The following SLC44A1 variants were observed in gnomAD, a reference collection of about 807,000 sequenced individuals.
SLC44A1 encodes solute carrier family 44 member 1.
In SLC44A1, 26 loss-of-function variants were observed where a neutral mutation model predicts 79.3. The observed-to-expected ratio is 0.33, with a 90% CI of 0.24 to 0.46. The LOEUF (loss-of-function observed/expected upper bound fraction) is 0.46, where lower values mean the gene tolerates loss of function less well. Among genes scored for constraint, SLC44A1 ranks in the 20% least tolerant of loss-of-function variants. SLC44A1 has a pLI of 1.00. For synonymous variants in SLC44A1, 263 were observed against 286.2 expected (o/e 0.92, Z 0.82); for missense variants, 688 against 798.1 (o/e 0.86, Z 1.66).
At chr9:105,323,485 A>G (rs1826465032) in intron 3 of SLC44A1, among the ~76,000 whole-genome samples, 1 of 152,170 alleles carries the variant, frequency 6.6e-6, no homozygotes, top group Admixed American at 6.5e-5. Flanking sequence ...AAATAATAGC[A>G]GTACTTCCTT....
In SLC44A1 at chr9:105,380,591, T is replaced by C. The variant is rs1210466934; in HGVS notation, c.1633-2532T>C. ...CAAATATTTATCAAATAAATGTAAATATTTATATATATATAGCTGTTACTA... is the reference window on the plus strand; with the variant it reads ...CAAATATTTATCAAATAAATGTAAACATTTATATATATATAGCTGTTACTA... On this transcript the variant is annotated intron_variant, in intron 13 of 15. Transcript: ENST00000374720. Among the ~76,000 whole-genome samples, 4 of 151,968 alleles carry C rather than the reference T, an allele frequency of 2.6e-5. No homozygotes were observed. In the East Asian group the frequency reaches 7.7e-4, roughly 29 times the overall value.
At chr9:105,410,432 C>T (rs1188567635) in intron 15 of SLC44A1, among the ~76,000 whole-genome samples, 2 of 152,106 alleles carry the variant, frequency 1.3e-5, no homozygotes, top group Admixed American at 6.6e-5. Context: ...AGAGCTATTT[C>T]TTCAAAGAAG....
At chr9:105,358,106 A>AT (rs1178770250) in intron 6 of SLC44A1, among the ~76,000 whole-genome samples, 1 of 152,020 alleles carries the variant, frequency 6.6e-6, no homozygotes, top group Non-Finnish European at 1.5e-5. Context: ...ATTTGCATGT[A>AT]TTTTTTTCTG....
chr9:105,350,541 C>T (rs1827374366), intron 5 of SLC44A1, among the ~76,000 whole-genome samples: 1 of 152,108 alleles, frequency 6.6e-6, no homozygotes, highest in Non-Finnish European at 1.5e-5. Flanking sequence ...GCAAGTACCC[C>T]TCAGCATCCT....
At chr9:105,272,179 T>C (rs929624849) in intron 1 of SLC44A1, among the ~76,000 whole-genome samples, 2 of 152,226 alleles carry the variant, frequency 1.3e-5, no homozygotes, top group African/African-American at 4.8e-5. Context: ...CTCTTTCTAC[T>C]GAATTAATCA....
chr9:105,296,491 T>C (rs992262698), intron 1 of SLC44A1, among the ~76,000 whole-genome samples: 1 of 152,186 alleles, frequency 6.6e-6, no homozygotes, highest in Admixed American at 6.5e-5. Flanking sequence ...AAGGTAAAAA[T>C]ACTAAGAAAA....
intron 15 of SLC44A1, among the ~76,000 whole-genome samples, chr9:105,403,737 A>C (rs956019898): frequency 6.7e-6 from 1 of 150,154 alleles, no homozygotes; most frequent in Non-Finnish European, 1.5e-5. Context: ...TGTAATAAGC[A>C]AATAAGCCTT....
intron 1 of SLC44A1, among the ~76,000 whole-genome samples, chr9:105,263,751 G>T (rs1474793685): frequency 6.6e-6 from 1 of 151,888 alleles, no homozygotes; most frequent in African/African-American, 2.4e-5. Context: ...TGGCCAGGCT[G>T]GTCTTGAACT....
In SLC44A1 at chr9:105,323,386, A is replaced by G. The variant is rs571418185; in HGVS notation, c.270-12177A>G. Among the ~76,000 whole-genome samples, 39 of 152,286 alleles carry G rather than the reference A, an allele frequency of 2.6e-4. 1 individual carries two copies. Among genetic ancestry groups the G allele is most frequent in the African/African-American group, 8.7e-4 (36 of 41,570 alleles). On this transcript the variant is annotated intron_variant, in intron 3 of 15. Coordinates refer to ENST00000374720, the MANE Select transcript of SLC44A1 (RefSeq NM_080546.5). ...ACTGGGGATGTATCTGTACGAGTAG[A>G]TCCAGTAGGCAGATAATCAAAGGAC...
At chr9:105,399,087 A>G (rs1828923070), downstream of SLC44A1, among the ~76,000 whole-genome samples, 1 of 152,204 alleles carries the variant, frequency 6.6e-6, no homozygotes, top group Non-Finnish European at 1.5e-5. Flanking sequence ...TGTGGCAAGT[A>G]GTAGTGAAAA....
At chr9:105,326,608 C>T (rs1316380918) in intron 3 of SLC44A1, among the ~76,000 whole-genome samples, 13 of 152,110 alleles carry the variant, frequency 8.5e-5, no homozygotes, top group Admixed American at 1.3e-4. Context: ...TTTACTCTTA[C>T]GAGGCCTTTG....
intron 15 of SLC44A1, among the ~76,000 whole-genome samples, chr9:105,425,947 C>G (rs751398500): frequency 2.6e-4 from 40 of 152,182 alleles, no homozygotes; most frequent in Non-Finnish European, 3.5e-4. Context: ...TGGAGAGCTT[C>G]CACGCCATGC....
rs183550652 is a variant in SLC44A1 at position 105,279,552 on chromosome 9, G to T, written c.37-19668G>T. Among the ~76,000 whole-genome samples, 643 of 152,016 alleles carry T rather than the reference G, an allele frequency of 4.2e-3. 3 individuals carry two copies. The highest frequency in any genetic ancestry group is 6.8e-3 in the Middle Eastern group (2 of 294). On this transcript the variant is annotated intron_variant, in intron 1 of 15. Coordinates refer to ENST00000374720, the MANE Select transcript of SLC44A1 (RefSeq NM_080546.5). ...AGGATGGTCTCAATCTCTTGACCTC[G>T]TGAGCCGCCCGCCTCGGCCTCCCAA...
At chr9:105,342,710 A>G (rs1203762926) in intron 4 of SLC44A1, among the ~76,000 whole-genome samples, 1 of 152,160 alleles carries the variant, frequency 6.6e-6, no homozygotes, top group African/African-American at 2.4e-5. Context: ...GAATAGAAAC[A>G]TCAGACGTAA....
intron 13 of SLC44A1, among the ~76,000 whole-genome samples, chr9:105,375,031 T>C (rs904385506): frequency 6.6e-6 from 1 of 152,162 alleles, no homozygotes; most frequent in African/African-American, 2.4e-5. Flanking sequence ...TGTGTTGTTT[T>C]TTTGTTGTTG....
At chr9:105,339,724 G>C (rs1162262573) in intron 4 of SLC44A1, among the ~76,000 whole-genome samples, 1 of 152,110 alleles carries the variant, frequency 6.6e-6, no homozygotes, top group Non-Finnish European at 1.5e-5. Flanking sequence ...CTACTGAGGA[G>C]GCTGGGGCAG....
chr9:105,273,292 C>T (rs7869261), intron 1 of SLC44A1, among the ~76,000 whole-genome samples: 6,327 of 152,032 alleles, frequency 0.042, 444 homozygotes, highest in African/African-American at 0.14. Flanking sequence ...GCGCCCAGCC[C>T]GATAATTTTT....
chr9:105,377,941 A>G (rs1041634050), intron 13 of SLC44A1, among the ~76,000 whole-genome samples: 5 of 151,874 alleles, frequency 3.3e-5, no homozygotes, highest in Admixed American at 6.6e-5. Flanking sequence ...ACTGATCAAT[A>G]CATAGAATTT....
At chr9:105,415,636 T>C (rs1829159839) in intron 15 of SLC44A1, among the ~76,000 whole-genome samples, 1 of 152,166 alleles carries the variant, frequency 6.6e-6, no homozygotes, top group Non-Finnish European at 1.5e-5. Context: ...CACAGGTGTT[T>C]TCTCTAATGG....
Sources: gnomAD v4.1 joint callset for allele counts (sites outside exome capture counted in the v4.1 genomes callset) on GRCh38, gnomAD v4.1.1 for gene constraint, MANE v1.5 for transcripts, NCBI Gene and HGNC (gene_info 2026-07-23, HGNC 2026-07-21) for gene names.